Variants in DMD observed in about 807,000 individuals in gnomAD.
The protein encoded by DMD is dystrophin, also known as mutant dystrophin.
Under a neutral mutation model 330.1 loss-of-function variants are expected in DMD, and 63 were observed. The observed-to-expected ratio is 0.19, with a 90% confidence interval of 0.16 to 0.24. The LOEUF (loss-of-function observed/expected upper bound fraction) is 0.24. Among genes scored for constraint, DMD ranks in the 10% least tolerant of loss-of-function variants. The probability of loss-of-function intolerance (pLI) is 1.00; values close to 1 mark genes in which losing one functional copy is unlikely to be tolerated. For missense variants in DMD, 3,344 were observed against 2,684.1 expected (o/e 1.25, Z -5.43); for synonymous variants, 1,223 against 959.8 (o/e 1.27, Z -5.07).
intron 41 of DMD, among the ~76,000 whole-genome samples, chrX:32,311,364 G>A (rs2097561765): frequency 9.1e-6 from 1 of 110,414 alleles, no homozygotes; most frequent in Middle Eastern, 4.6e-3. Flanking sequence ...TGGACTTTGG[G>A]GATACTAGAC....
At chrX:32,874,216 T>C (rs928826888) in intron 2 of DMD, among the ~76,000 whole-genome samples, 37 of 112,328 alleles carry the variant, frequency 3.3e-4, no homozygotes, top group Non-Finnish European at 1.1e-4. Flanking sequence ...TTCTTAAATC[T>C]GTGTTCACCC....
chrX:32,472,026 G>C (rs2040689007), intron 22 of DMD, 138 bp downstream of exon 22: 1 of 728,859 alleles, frequency 1.4e-6, no homozygotes, highest in Admixed American at 2.4e-5. Context: ...ATACTGTAAA[G>C]TCTCATTTTC....
intron 1 of DMD, among the ~76,000 whole-genome samples, chrX:33,294,881 A>G (rs190073199): frequency 6.3e-5 from 7 of 111,504 alleles, no homozygotes; most frequent in Admixed American, 5.7e-4. Flanking sequence ...ACACAAAAGT[A>G]TATTCTTGAA....
At chrX:31,122,038 C>CAACACAGAA in intron 78 of DMD, 108 bp from the exon 79 acceptor site, 1 of 620,346 alleles carries the variant, frequency 1.6e-6, no homozygotes, top group Middle Eastern at 3.1e-4. Flanking sequence ...TGGGTGAAGA[C>CAACACAGAA]AACACAGAAG....
intron 44 of DMD, among the ~76,000 whole-genome samples, chrX:32,033,619 A>G (rs372217456): frequency 0.2 from 13,873 of 71,069 alleles, 1,393 homozygotes; most frequent in African/African-American, 0.39. Context: ...GAAAGAAAGA[A>G]AGAAAGAAAG....
chrX:32,032,070 G>A (rs1459985583), intron 44 of DMD, among the ~76,000 whole-genome samples: 1 of 111,289 alleles, frequency 9.0e-6, no homozygotes, highest in Non-Finnish European at 1.9e-5. Context: ...TTTTGGGGGG[G>A]ATTATATTTT....
intron 2 of DMD, among the ~76,000 whole-genome samples, chrX:32,944,606 GA>G (rs1216022231): frequency 1.1e-5 from 1 of 94,259 alleles, no homozygotes; most frequent in African/African-American, 4.5e-5. Context: ...ACTTTTAGTA[GA>G]TTTTTTTTTT....
intron 4 of DMD, among the ~76,000 whole-genome samples, chrX:32,824,617 C>G (rs2078541912): frequency 9.0e-6 from 1 of 111,417 alleles, no homozygotes; most frequent in Non-Finnish European, 1.9e-5. Context: ...TGTGGGGTAG[C>G]TGAATGTTCT....
chrX:32,303,933 G>C (rs1395938363), intron 42 of DMD, among the ~76,000 whole-genome samples: 1 of 110,819 alleles, frequency 9.0e-6, no homozygotes, highest in Non-Finnish European at 1.9e-5. Flanking sequence ...TTATTAACTA[G>C]GTTTTACGGA....
chrX:33,057,795 A>C (rs2094535210), intron 1 of DMD, among the ~76,000 whole-genome samples: 1 of 112,337 alleles, frequency 8.9e-6, no homozygotes, highest in African/African-American at 3.2e-5. Flanking sequence ...TGTGTTTATG[A>C]AGTTCGTTCA....
intron 1 of DMD, among the ~76,000 whole-genome samples, chrX:33,072,589 T>C (rs937550126): frequency 1.7e-4 from 19 of 111,710 alleles, no homozygotes; most frequent in Non-Finnish European, 2.6e-4. Context: ...GAATCACCTG[T>C]AAATGCACCA....
chrX:31,267,641 G>A (rs1198753794), intron 62 of DMD, among the ~76,000 whole-genome samples: 1 of 112,717 alleles, frequency 8.9e-6, no homozygotes, highest in African/African-American at 3.2e-5. Context: ...CAGTGCTGTT[G>A]CACGGTTTGG....
intron 1 of DMD, among the ~76,000 whole-genome samples, chrX:33,268,604 C>G (rs1178008045): frequency 8.9e-6 from 1 of 111,833 alleles, no homozygotes; most frequent in Non-Finnish European, 1.9e-5. Context: ...GAGATACCAT[C>G]TCACACCAAA....
At chrX:32,931,002 T>C (rs1246054767) in intron 2 of DMD, among the ~76,000 whole-genome samples, 2 of 107,698 alleles carry the variant, frequency 1.9e-5, no homozygotes, top group Admixed American at 2.0e-4. Context: ...ATATATATTA[T>C]TTTATACTAT....
intron 55 of DMD, among the ~76,000 whole-genome samples, chrX:31,602,395 T>C (rs760125916): frequency 7.2e-4 from 79 of 109,549 alleles, no homozygotes; most frequent in Non-Finnish European, 8.2e-4. Context: ...TTTCATTACA[T>C]GCTTGTGGCT....
intron 1 of DMD, among the ~76,000 whole-genome samples, chrX:33,296,626 G>C (rs1310164747): frequency 9.0e-6 from 1 of 110,611 alleles, no homozygotes; most frequent in Admixed American, 9.7e-5. Context: ...TCCAGACTGA[G>C]CACCCATTTG....
In DMD at chrX:32,373,598, G is replaced by T. The variant is rs111392983; in HGVS notation, c.4845+6912C>A. Among the ~76,000 whole-genome samples, 383 of 111,998 alleles carry T rather than the reference G, an allele frequency of 3.4e-3. 1 individual carries two copies. The highest frequency in any genetic ancestry group is 0.012 in the African/African-American group (359 of 30,927). ...ATTTTTATGTGTCCTGAAGTATCTA[G>T]TTCTTCTTTTGATTTTTTCCAACCA... On this transcript the variant is annotated intron_variant, in intron 34 of 78. Transcript: ENST00000357033.
intron 1 of DMD, among the ~76,000 whole-genome samples, chrX:33,300,225 C>A (rs1212937584): frequency 1.8e-5 from 2 of 112,346 alleles, no homozygotes; most frequent in Admixed American, 9.5e-5. Context: ...ATTGAACATG[C>A]AAATTAGCAA....
intron 52 of DMD, among the ~76,000 whole-genome samples, chrX:31,721,936 AATATG>A (rs1312873533): frequency 9.2e-6 from 1 of 108,124 alleles, no homozygotes; most frequent in Non-Finnish European, 1.9e-5. Context: ...ACAGAAAGGA[AATATG>A]ATATTTTAAT....
Sources: gnomAD v4.1 joint callset for allele counts (sites outside exome capture counted in the v4.1 genomes callset) on GRCh38, gnomAD v4.1.1 for gene constraint, MANE v1.5 for transcripts, NCBI Gene and HGNC (gene_info 2026-07-23, HGNC 2026-07-21) for gene names.